The following DTWD2 variants were observed in gnomAD, a reference collection of about 807,000 sequenced individuals.
DTWD2 encodes DTW motif tRNA-uridine aminocarboxypropyltransferase 2, also known as tRNA-uridine aminocarboxypropyltransferase 2.
A neutral mutation model predicts 31.8 loss-of-function variants in DTWD2; 39 were observed. That is an observed-to-expected ratio of 1.22 (90% CI 0.95 to 1.60). The LOEUF (loss-of-function observed/expected upper bound fraction) is 1.60, where lower values mean the gene tolerates loss of function less well. DTWD2 is among the 40% of genes most tolerant of loss of function. DTWD2 has a pLI of 0.00. For missense variants in DTWD2, 515 were observed against 381.5 expected (o/e 1.35, Z -2.92); for synonymous variants, 180 against 142.8 (o/e 1.26, Z -1.86).
chr5:118,946,343 G>C (rs763647048), intron 1 of DTWD2, among the ~76,000 whole-genome samples: 1 of 152,158 alleles, frequency 6.6e-6, no homozygotes, highest in Non-Finnish European at 1.5e-5. Flanking sequence ...GGTCACAGGA[G>C]TAAACACAAA....
intron 1 of DTWD2, among the ~76,000 whole-genome samples, chr5:118,954,801 G>A (rs920651618): frequency 3.9e-5 from 6 of 152,208 alleles, no homozygotes; most frequent in Middle Eastern, 3.4e-3. Context: ...AGTTACAGGC[G>A]TGAGCCACCG....
At chr5:118,959,693 G>A (rs1223217902) in intron 1 of DTWD2, among the ~76,000 whole-genome samples, 1 of 152,134 alleles carries the variant, frequency 6.6e-6, no homozygotes, top group Non-Finnish European at 1.5e-5. Flanking sequence ...CACATTACCA[G>A]ACTTCAAACT....
At chr5:118,844,252 G>T (rs1751794197) in intron 5 of DTWD2, among the ~76,000 whole-genome samples, 1 of 152,172 alleles carries the variant, frequency 6.6e-6, no homozygotes, top group African/African-American at 2.4e-5. Context: ...TGCAGATATT[G>T]GGTAGAGCCA....
intron 3 of DTWD2, among the ~76,000 whole-genome samples, chr5:118,932,967 G>A (rs1405621393): frequency 6.6e-6 from 1 of 151,710 alleles, no homozygotes; most frequent in Non-Finnish European, 1.5e-5. Flanking sequence ...CACAATTACT[G>A]ATATCAGAAA....
intron 1 of DTWD2, among the ~76,000 whole-genome samples, chr5:118,976,372 A>C (rs1330174358): frequency 1.3e-5 from 2 of 152,102 alleles, no homozygotes; most frequent in African/African-American, 4.8e-5. Context: ...ACACAAAAAA[A>C]CCCTTCAAAA....
chr5:118,948,573 G>A (rs1005866174), intron 1 of DTWD2, among the ~76,000 whole-genome samples: 3 of 152,174 alleles, frequency 2.0e-5, no homozygotes, highest in African/African-American at 7.2e-5. Flanking sequence ...GTGGATCAGA[G>A]AGACACGGTC....
intron 3 of DTWD2, among the ~76,000 whole-genome samples, chr5:118,932,984 G>C (rs1345523210): frequency 6.6e-6 from 1 of 150,770 alleles, no homozygotes; most frequent in Non-Finnish European, 1.5e-5. Flanking sequence ...GAAATAAAAA[G>C]GGTGATCATT....
At chr5:118,866,284 AT>A (rs1353082766) in intron 4 of DTWD2, among the ~76,000 whole-genome samples, 1 of 152,180 alleles carries the variant, frequency 6.6e-6, no homozygotes, top group African/African-American at 2.4e-5. Flanking sequence ...CAGTTTAAAA[AT>A]TTTATGATTC....
At chr5:118,862,752 G>C (rs1164490667) in intron 4 of DTWD2, among the ~76,000 whole-genome samples, 3 of 152,126 alleles carry the variant, frequency 2.0e-5, no homozygotes, top group Non-Finnish European at 4.4e-5. Flanking sequence ...CTCAGAGAAG[G>C]TGGGGCTAGC....
intron 4 of DTWD2, among the ~76,000 whole-genome samples, chr5:118,908,524 G>T (rs147746649): frequency 6.6e-6 from 1 of 152,024 alleles, no homozygotes; most frequent in East Asian, 1.9e-4. Context: ...ATGTCAAACC[G>T]TGTCTTATAT....
At chr5:118,963,727 T>C (rs1754760660) in intron 1 of DTWD2, among the ~76,000 whole-genome samples, 1 of 152,006 alleles carries the variant, frequency 6.6e-6, no homozygotes, top group South Asian at 2.1e-4. Flanking sequence ...TAAAGAGTAG[T>C]TTAAATACCA....
chr5:118,947,870 A>G (rs1357336297), intron 1 of DTWD2, among the ~76,000 whole-genome samples: 1 of 152,148 alleles, frequency 6.6e-6, no homozygotes, highest in Admixed American at 6.5e-5. Context: ...GGGCAGTTCA[A>G]ATAAGTTGAT....
intron 4 of DTWD2, among the ~76,000 whole-genome samples, chr5:118,856,028 T>C (rs1752125892): frequency 6.6e-6 from 1 of 152,158 alleles, no homozygotes; most frequent in Non-Finnish European, 1.5e-5. Context: ...ATATCCAAAA[T>C]GACTGACACC....
intron 4 of DTWD2, among the ~76,000 whole-genome samples, chr5:118,909,907 C>T (rs1434252471): frequency 6.6e-6 from 1 of 152,218 alleles, no homozygotes; most frequent in Non-Finnish European, 1.5e-5. Context: ...CTCCAGTCAG[C>T]CCATCAGTGC....
At chr5:118,856,787 T>TC (rs1315325982) in intron 4 of DTWD2, among the ~76,000 whole-genome samples, 1 of 146,914 alleles carries the variant, frequency 6.8e-6, no homozygotes, top group Non-Finnish European at 1.5e-5. Context: ...TTTTTTTTTT[T>TC]TGAGATGGAG....
intron 4 of DTWD2, among the ~76,000 whole-genome samples, chr5:118,857,975 T>A (rs1402025669): frequency 6.6e-6 from 1 of 152,186 alleles, no homozygotes; most frequent in African/African-American, 2.4e-5. Context: ...CAGAACAGAA[T>A]TGAATCTTAT....
chr5:118,891,787 A>C (rs942793248), intron 4 of DTWD2, among the ~76,000 whole-genome samples: 2 of 152,264 alleles, frequency 1.3e-5, no homozygotes, highest in Non-Finnish European at 2.9e-5. Context: ...CTTTACTAAC[A>C]GAATGGTTGA....
At chr5:118,902,333 C>T (rs1236914148) in intron 4 of DTWD2, among the ~76,000 whole-genome samples, 1 of 152,000 alleles carries the variant, frequency 6.6e-6, no homozygotes, top group Non-Finnish European at 1.5e-5. Flanking sequence ...TAAGTAGGTA[C>T]ATCTGTGGAA....
At chr5:118,907,431 C>T (rs1258202075) in intron 4 of DTWD2, among the ~76,000 whole-genome samples, 2 of 152,112 alleles carry the variant, frequency 1.3e-5, no homozygotes, top group Admixed American at 6.5e-5. Context: ...TGTGAGCCAG[C>T]AGGTTCAAGA....
Sources: allele counts gnomAD v4.1 joint callset (sites outside exome capture counted in the v4.1 genomes callset), GRCh38; gene constraint gnomAD v4.1.1; transcripts MANE v1.5; gene names NCBI Gene and HGNC (gene_info 2026-07-23, HGNC 2026-07-21).